SLC24A2: variants seen among roughly 807,000 people sequenced by gnomAD.
The protein encoded by SLC24A2 is sodium/potassium/calcium exchanger 2.
In SLC24A2, 36 loss-of-function variants were observed where a neutral mutation model predicts 62.0. The observed-to-expected ratio is 0.58, with a 90% confidence interval of 0.44 to 0.77. SLC24A2 has a LOEUF of 0.77. Ranked by LOEUF, SLC24A2 falls within the 30% of genes least tolerant of loss-of-function variation. The pLI, the probability that SLC24A2 is intolerant of heterozygous loss-of-function variation, is 0.00. For missense variants in SLC24A2, 846 were observed against 817.9 expected (o/e 1.03, Z -0.42); for synonymous variants, 358 against 294.0 (o/e 1.22, Z -2.23).
intron 2 of SLC24A2, among the ~76,000 whole-genome samples, chr9:19,666,320 C>G (rs1384230218): frequency 2.6e-5 from 4 of 152,126 alleles, no homozygotes; most frequent in Non-Finnish European, 5.9e-5. Context: ...GTGGAAGGAT[C>G]ACCTGAGCCT....
the SLC24A2 span, among the ~76,000 whole-genome samples, chr9:20,019,093 GAAAGAAAGATAGAA>G: frequency 2.5e-5 from 1 of 39,846 alleles, no homozygotes; most frequent in Non-Finnish European, 4.3e-5. Flanking sequence ...GAGAAAGAAA[GAAAGAAAGATAGAA>G]AGAAAGAAAG....
rs188875074 is a variant in SLC24A2 at position 19,777,420 on chromosome 9, A to C, written c.930+8517T>G. Among the ~76,000 whole-genome samples, 614 of 152,336 alleles carry C rather than the reference A, an allele frequency of 4.0e-3. 4 individuals carry two copies. The highest frequency in any genetic ancestry group is 6.2e-3 in the Non-Finnish European group (422 of 68,030). On this transcript the variant is annotated intron_variant, in intron 2 of 10. Coordinates refer to ENST00000341998, the MANE Select transcript of SLC24A2 (RefSeq NM_020344.4). ...AAAAAGCTGATAAGCCTTGACCCAGAAATTCTGCTTCTACGAAATCAGAAA... is the reference window on the plus strand; with the variant it reads ...AAAAAGCTGATAAGCCTTGACCCAGCAATTCTGCTTCTACGAAATCAGAAA...
intron 2 of SLC24A2, among the ~76,000 whole-genome samples, chr9:19,699,348 T>C (rs1296309267): frequency 1.3e-5 from 2 of 152,136 alleles, no homozygotes; most frequent in African/African-American, 2.4e-5. Flanking sequence ...ACACTCAAAA[T>C]GGAGAAATTG....
chr9:19,987,223 G>A, the SLC24A2 span, among the ~76,000 whole-genome samples: 1 of 152,082 alleles, frequency 6.6e-6, no homozygotes, highest in Non-Finnish European at 1.5e-5. Flanking sequence ...CTGTGGAGGT[G>A]TGCGGGTAGA....
chr9:19,810,033 G>A, the SLC24A2 span, among the ~76,000 whole-genome samples: 21 of 152,172 alleles, frequency 1.4e-4, no homozygotes, highest in Non-Finnish European at 2.9e-4. Context: ...TTTCAGTTTG[G>A]GAAACTCCGA....
chr9:20,084,800 C>G, the SLC24A2 span, among the ~76,000 whole-genome samples: 234 of 152,222 alleles, frequency 1.5e-3, 2 homozygotes, highest in East Asian at 0.019. Context: ...AATGAAAGTA[C>G]CATGAGCCTG....
intron 4 of SLC24A2, among the ~76,000 whole-genome samples, chr9:19,614,910 C>T (rs1817725943): frequency 6.6e-6 from 1 of 151,970 alleles, no homozygotes; most frequent in Non-Finnish European, 1.5e-5. Flanking sequence ...TCCAATGATG[C>T]CACATGGAAC....
At chr9:20,174,387 C>A in the SLC24A2 span, among the ~76,000 whole-genome samples, 2 of 151,750 alleles carry the variant, frequency 1.3e-5, no homozygotes, top group Non-Finnish European at 2.9e-5. Context: ...TTTTGCACTG[C>A]AAAAGGAACA....
At chr9:20,296,635 C>T in the SLC24A2 span, among the ~76,000 whole-genome samples, 6 of 152,306 alleles carry the variant, frequency 3.9e-5, no homozygotes, top group East Asian at 9.7e-4. Context: ...CTTGAAGTCC[C>T]AATTCTTCGG....
At chr9:19,770,859 G>T (rs1012193210) in intron 2 of SLC24A2, among the ~76,000 whole-genome samples, 1 of 152,094 alleles carries the variant, frequency 6.6e-6, no homozygotes, top group African/African-American at 2.4e-5. Flanking sequence ...TTTTAAGATG[G>T]TAAAAAACAG....
At chr9:19,619,743 G>C in intron 3 of SLC24A2, 51 bp from the exon 4 acceptor site, 1 of 1,374,124 alleles carries the variant, frequency 7.3e-7, no homozygotes, top group Middle Eastern at 1.8e-4. Context: ...AAAGACAAGT[G>C]CATTATAGAC....
chr9:20,275,814 G>A, the SLC24A2 span, among the ~76,000 whole-genome samples: 1 of 152,188 alleles, frequency 6.6e-6, no homozygotes, highest in East Asian at 1.9e-4. Flanking sequence ...GGAAAGTGAA[G>A]GAGGAGCAAA....
At chr9:19,687,813 C>G (rs898581199) in intron 2 of SLC24A2, among the ~76,000 whole-genome samples, 2 of 152,058 alleles carry the variant, frequency 1.3e-5, no homozygotes, top group African/African-American at 4.8e-5. Context: ...ATTTGGGTGA[C>G]AAATGCTCCA....
chr9:19,888,811 C>A, the SLC24A2 span, among the ~76,000 whole-genome samples: 23 of 152,216 alleles, frequency 1.5e-4, no homozygotes, highest in African/African-American at 5.1e-4. Context: ...ATGCCAAATG[C>A]CCTTTCACAT....
At position 19,550,231 on chromosome 9, in the gene SLC24A2, G is replaced by A. The variant is rs773230360; in HGVS notation, c.1385C>T (p.Ala462Val). The change falls in exon 8 of 11, where the codon GCC (alanine) becomes GTC (valine). Residue 462 changes from alanine (A) to valine (V), a missense_variant. Coordinates refer to ENST00000341998, the MANE Select transcript of SLC24A2 (RefSeq NM_020344.4). ...TTGCTTGCGGGTTTCAGAAGGCCAG[G>A]CAAGGCTGAGAGGCTGGTCCTCCTC... ...DEEEDQPLSL[A>V]WPSETRKQVT... The A allele has an allele frequency of 7.4e-6, 12 of 1,614,168 alleles. No individual in the cohort carries two copies. Among genetic ancestry groups the A allele is most frequent in the Non-Finnish European group, 1.0e-5 (12 of 1,179,996 alleles).
chr9:20,303,181 AT>A, the SLC24A2 span, among the ~76,000 whole-genome samples: 10 of 152,110 alleles, frequency 6.6e-5, no homozygotes, highest in Admixed American at 6.5e-4. Flanking sequence ...TTTTTCATGC[AT>A]CACGGGAGTA....
intron 5 of SLC24A2, among the ~76,000 whole-genome samples, chr9:19,592,513 C>A (rs1022075255): frequency 1.3e-5 from 2 of 151,648 alleles, no homozygotes; most frequent in African/African-American, 2.4e-5. Flanking sequence ...TACCTACCTA[C>A]CTACCTACCT....
At chr9:20,148,096 T>C in the SLC24A2 span, among the ~76,000 whole-genome samples, 62 of 152,174 alleles carry the variant, frequency 4.1e-4, no homozygotes, top group Middle Eastern at 3.4e-3. Context: ...CTGGGTGACC[T>C]GGATTTCAAA....
the SLC24A2 span, among the ~76,000 whole-genome samples, chr9:20,185,136 T>C: frequency 1.3e-5 from 2 of 152,180 alleles, no homozygotes; most frequent in South Asian, 4.1e-4. Flanking sequence ...CAAAATTGTA[T>C]TTAGAGAGGA....
Sources: allele counts gnomAD v4.1 joint callset (sites outside exome capture counted in the v4.1 genomes callset), GRCh38; gene constraint gnomAD v4.1.1; transcripts MANE v1.5; gene names NCBI Gene and HGNC (gene_info 2026-07-23, HGNC 2026-07-21).